Variants in PRKCSH observed in about 807,000 individuals in gnomAD.
PRKCSH encodes the protein glucosidase 2 subunit beta.
A neutral mutation model predicts 79.7 loss-of-function variants in PRKCSH; 42 were observed. The observed-to-expected ratio is 0.53, with a 90% CI of 0.41 to 0.68. PRKCSH has a LOEUF of 0.68. PRKCSH is among the 30% of genes least tolerant of loss of function. The pLI is 0.00. For synonymous variants in PRKCSH, 325 were observed against 288.2 expected (o/e 1.13, Z -1.29); for missense variants, 686 against 709.0 (o/e 0.97, Z 0.37).
rs1490968459 is a variant in PRKCSH, at chr19:11,447,905, C to T, written c.1126+116C>T. On this transcript the variant is annotated intron_variant, in intron 12 of 17. Transcript: ENST00000677123. The surrounding 1 kb of genome is among the most constrained non-coding windows in gnomAD (Gnocchi z 5.6). The stretch of plus-strand genomic sequence containing the variant: ...CTGCTCTGACTCGGCCAGCACAAGC[C>T]CCAGTATCTTGGGGAGTCCAGGAAG... 8.0e-7 allele frequency: 1 copy of T among 1,254,362 alleles called. No homozygotes were observed. Among genetic ancestry groups the T allele is most frequent in the Non-Finnish European group, 1.1e-6 (1 of 918,426 alleles). The allele number at this position is 1,254,362 out of a possible 1,614,324, so 77.7% of individuals were successfully genotyped here. A position where few individuals can be genotyped will look rare whatever the true frequency, so the allele number is the denominator to read the frequency against.
chr19:11,436,596 GGCTCC>G, intron 3 of PRKCSH, 91 bp downstream of exon 3: 1 of 1,095,800 alleles, frequency 9.1e-7, no homozygotes, highest in Non-Finnish European at 1.4e-6. Context: ...TACCTCTGCT[GGCTCC>G]CCTTTGAGTG....
At chr19:11,438,482 C>T (rs1393928666) in intron 5 of PRKCSH, among the ~76,000 whole-genome samples, 6 of 151,962 alleles carry the variant, frequency 3.9e-5, no homozygotes, top group African/African-American at 4.8e-5. Context: ...GGAGGCCAGG[C>T]GCGGTGGCTC....
chr19:11,446,290 G>A lies in PRKCSH; in HGVS notation c.702G>A (p.Leu234=), dbSNP rs886054198. ...DMDGTVSVTE[L]QTHPELDTDG... is the part of the protein sequence containing the mutation. The stretch of plus-strand genomic sequence containing the variant: ...CCCGCAGGGTCTCGGTGACTGAGCT[G>A]CAGACTCACCCGGAGCTGGACACAG... Residue 234 remains leucine (L), a synonymous_variant, in exon 9 of 18, where the codon CTG becomes CTA. Transcript: ENST00000677123. 11 of 1,613,624 alleles carry A rather than the reference G, an allele frequency of 6.8e-6. No individual in the cohort carries two copies. The highest frequency in any genetic ancestry group is 9.3e-6 in the Non-Finnish European group (11 of 1,179,808).
At chr19:11,446,176 G>A in intron 8 of PRKCSH, 96 bp from the exon 9 acceptor site, 2 of 1,356,364 alleles carry the variant, frequency 1.5e-6, no homozygotes, top group Non-Finnish European at 2.1e-6. Context: ...TCCAGGGTGG[G>A]GCCCTGCAGG....
Position 11,447,029 on chromosome 19 carries a change from G to A in PRKCSH, c.763-45G>A. ...GGGTGCCGGGGTGGCCGAGATGGGG[G>A]ACACGTGGTGGCCTAGATCTTGACA... On this transcript the variant is annotated intron_variant, in intron 9 of 17. Coordinates refer to ENST00000677123, the MANE Select transcript of PRKCSH (RefSeq NM_001289104.2). This position sits in a 1 kb window ranked among gnomAD's most constrained non-coding sequence, Gnocchi z 5.6. The A allele has an allele frequency of 1.3e-6, 2 of 1,594,062 alleles. No homozygotes were observed. The highest frequency in any genetic ancestry group is 1.7e-6 in the Non-Finnish European group (2 of 1,161,952).
intron 5 of PRKCSH, among the ~76,000 whole-genome samples, chr19:11,438,794 A>C (rs940517765): frequency 6.0e-5 from 9 of 149,846 alleles, no homozygotes; most frequent in African/African-American, 2.2e-4. Flanking sequence ...CAACAGAAGG[A>C]GGCCAAGTAT....
chr19:11,442,533 A>G lies in PRKCSH; in HGVS notation c.598+18A>G. The G allele has an allele frequency of 1.2e-6, 2 of 1,608,076 alleles. No individual in the cohort carries two copies. Among genetic ancestry groups the G allele is most frequent in the Non-Finnish European group, 1.7e-6 (2 of 1,177,688 alleles). ...GTGGGAAGGTATGGCAGAAATGGCC[A>G]AGGACTCACCTTCAGTCCTGGGTGG... is the stretch of plus-strand genomic sequence containing the variant. On this transcript the variant is annotated intron_variant, in intron 7 of 17. Transcript: ENST00000677123.
chr19:11,442,851 G>C (rs1970126446), intron 7 of PRKCSH, among the ~76,000 whole-genome samples: 1 of 152,036 alleles, frequency 6.6e-6, no homozygotes, highest in African/African-American at 2.4e-5. Flanking sequence ...ACAGGCACCT[G>C]CCACCACATT....
At chr19:11,444,221 T>A (rs1237977380) in intron 7 of PRKCSH, among the ~76,000 whole-genome samples, 1 of 152,228 alleles carries the variant, frequency 6.6e-6, no homozygotes, top group Non-Finnish European at 1.5e-5. Context: ...GCAAGCTTCC[T>A]TTCACTTGGG....
At chr19:11,445,555 C>T in intron 8 of PRKCSH, 82 bp downstream of exon 8, 1 of 1,369,886 alleles carries the variant, frequency 7.3e-7, no homozygotes, top group Non-Finnish European at 1.0e-6. Flanking sequence ...TAGAAACCAG[C>T]CAGATCCTCC....
Position 11,442,443 on chromosome 19 carries a change from C to T in PRKCSH, c.526C>T (p.Leu176=). 6.2e-7 allele frequency: 1 copy of T among 1,611,880 alleles called. No homozygotes were observed. The highest frequency in any genetic ancestry group is 8.5e-7 in the Non-Finnish European group (1 of 1,179,220). The change falls in exon 7 of 18, where the codon CTG becomes TTG. Residue 176 remains leucine, a synonymous_variant. Transcript: ENST00000677123. ...KKSLEDQVEM[L]RTVKEEAEKP... is the part of the protein sequence containing the mutation. Reference sequence around the variant, plus strand: ...GTCTCTGGAAGACCAGGTGGAGATGCTGCGGACAGTGAAGGAGGAAGCTGA... The same window carrying T: ...GTCTCTGGAAGACCAGGTGGAGATGTTGCGGACAGTGAAGGAGGAAGCTGA...
chr19:11,437,052 T>C (rs1969792203), intron 3 of PRKCSH, among the ~76,000 whole-genome samples: 1 of 151,598 alleles, frequency 6.6e-6, no homozygotes, highest in African/African-American at 2.4e-5. Context: ...TGTTTTTGTT[T>C]TGAGACGGAG....
Position 11,442,759 on chromosome 19 carries a change from T to C in PRKCSH, c.598+244T>C, listed in dbSNP as rs189014747. Among the ~76,000 whole-genome samples the C allele has an allele frequency of 2.7e-3, 416 of 152,302 alleles. 11 individuals carry two copies. The highest frequency in any genetic ancestry group is 0.026 in the Admixed American group (401 of 15,298). On this transcript the variant is annotated intron_variant, in intron 7 of 17. Transcript: ENST00000677123. The stretch of plus-strand genomic sequence containing the variant: ...CTCTGCCACCCGGGCTGGAGTACAG[T>C]GGCGTGATCTCAGCTCACTGCAACC...
Position 11,449,620 on chromosome 19 carries a change from G to A in PRKCSH, c.*16+192G>A. On this transcript the variant is annotated intron_variant, in intron 17 of 17. Coordinates refer to ENST00000677123, the MANE Select transcript of PRKCSH (RefSeq NM_001289104.2). This position sits in a 1 kb window ranked among gnomAD's most constrained non-coding sequence, Gnocchi z 6.4. ...TGCAGTGATGCGACCTCAGCTGACT[G>A]CAACCTCTACCTCCCGGGTTCAAAC... The A allele has an allele frequency of 2.9e-6, 2 of 684,076 alleles. No individual in the cohort carries two copies. Among genetic ancestry groups the A allele is most frequent in the South Asian group, 1.9e-5 (1 of 53,330 alleles). 42.4% of individuals were successfully genotyped at this position (684,076 alleles called of 1,614,324 possible).
At chr19:11,438,153 A>G (rs761008792) in intron 5 of PRKCSH, 29 bp downstream of exon 5, 4 of 1,611,720 alleles carry the variant, frequency 2.5e-6, no homozygotes, top group Non-Finnish European at 2.5e-6. Context: ...CCCTCCCATC[A>G]CCCCACCCCA....
Position 11,449,077 on chromosome 19 carries a change from A to G in PRKCSH, c.1363A>G (p.Thr455Ala), listed in dbSNP as rs1413946094. Residue 455 changes from threonine (T) to alanine (A), a missense_variant and splice_region_variant, in exon 16 of 18, where the codon ACC becomes GCC. This residue lies in a region of PRKCSH where 137 missense variants were observed against 188.8 expected (regional missense o/e 0.73). Transcript: ENST00000677123. This position sits in a 1 kb window ranked among gnomAD's most constrained non-coding sequence, Gnocchi z 6.4. Reference protein sequence around the residue: ...KLGGSPTSLGTWGSWIGPDHD... With the variant: ...KLGGSPTSLGAWGSWIGPDHD... ...CTCAGCACCCTGTGTCTCTCACAGCACCTGGGGCTCATGGATTGGCCCCGA... is the reference window on the plus strand; with the variant it reads ...CTCAGCACCCTGTGTCTCTCACAGCGCCTGGGGCTCATGGATTGGCCCCGA... 2.5e-6 allele frequency: 4 copies of G among 1,613,166 alleles called. No homozygotes were observed. The South Asian group carries it at 4.4e-5, about 18-fold the overall frequency.
Position 11,438,057 on chromosome 19 carries a change from T to G in PRKCSH, c.293-10T>G, listed in dbSNP as rs753024384. The G allele has an allele frequency of 1.9e-6, 3 of 1,613,990 alleles. No homozygotes were observed. The highest frequency in any genetic ancestry group is 2.5e-6 in the Non-Finnish European group (3 of 1,180,012). ...GCCAGGTCTGATCTTGGCTTCTGCCTCTGCCACAGACTGCTGCGATGGAAC... is the reference window on the plus strand; with the variant it reads ...GCCAGGTCTGATCTTGGCTTCTGCCGCTGCCACAGACTGCTGCGATGGAAC... On this transcript the variant is annotated splice_polypyrimidine_tract_variant and intron_variant, in intron 4 of 17. Transcript: ENST00000677123.
At chr19:11,436,004 C>A in intron 1 of PRKCSH, 37 bp from the exon 2 acceptor site, 1 of 1,408,116 alleles carries the variant, frequency 7.1e-7, no homozygotes, top group Non-Finnish European at 9.9e-7. Context: ...TGGAAGTAGC[C>A]CTCTCCCACT....
rs775357974 is a variant in PRKCSH, at chr19:11,447,564, G to A, written c.975G>A (p.Glu325=). 19 of 1,597,050 alleles carry A rather than the reference G, an allele frequency of 1.2e-5. No individual in the cohort carries two copies. In the East Asian group the frequency reaches 2.9e-4, roughly 25 times the overall value. ...EEEEEEEEEE[E]AEEEEEEEDS... is the part of the protein sequence containing the mutation. ...AGGAGGAGGAGGAGGAGGAAGAAGA[G>A]GCTGAAGAAGAGGAGGAGGAGGAGG... is the stretch of plus-strand genomic sequence containing the variant. The change falls in exon 11 of 18, where the codon GAG becomes GAA. Residue 325 remains glutamate, a synonymous_variant. Transcript: ENST00000677123. The surrounding 1 kb of genome is among the most constrained non-coding windows in gnomAD (Gnocchi z 5.6).
Sources: allele counts gnomAD v4.1 joint callset (sites outside exome capture counted in the v4.1 genomes callset), GRCh38; gene constraint gnomAD v4.1.1; regional missense constraint gnomAD v4.1.1; non-coding constraint Gnocchi (gnomAD v3.1); transcripts MANE v1.5; gene names NCBI Gene and HGNC (gene_info 2026-07-23, HGNC 2026-07-21).